The following C1orf87 variants were observed in gnomAD, a reference collection of about 807,000 sequenced individuals.
The protein encoded by C1orf87 is uncharacterized protein C1orf87.
In C1orf87, 58 loss-of-function variants were observed where a neutral mutation model predicts 60.5. The observed-to-expected ratio is 0.96, with a 90% CI of 0.78 to 1.19. The LOEUF is 1.19. C1orf87 is among the 50% of genes most tolerant of loss of function. The pLI, the probability that C1orf87 is intolerant of heterozygous loss-of-function variation, is 0.00. For missense variants in C1orf87, 673 were observed against 638.6 expected (o/e 1.05, Z -0.58); for synonymous variants, 236 against 227.4 (o/e 1.04, Z -0.34).
rs1038288450 is a variant in C1orf87 at position 60,034,114 on chromosome 1, G to A, written c.864-473C>T. 3.9e-5 allele frequency among the ~76,000 whole-genome samples: 6 copies of A among 152,146 alleles called. No individual in the cohort carries two copies. In the East Asian group the frequency reaches 9.6e-4, roughly 24 times the overall value. On this transcript the variant is annotated intron_variant, in intron 6 of 11. Coordinates refer to ENST00000371201, the MANE Select transcript of C1orf87 (RefSeq NM_152377.3). ...ACCAAGACAGCCTAGTTCCCTGGGA[G>A]GAAATCCTGAACCAGCTGGATTTCC...
chr1:60,043,207 G>A (rs1318207894), intron 3 of C1orf87, among the ~76,000 whole-genome samples: 1 of 152,160 alleles, frequency 6.6e-6, no homozygotes, highest in African/African-American at 2.4e-5. Flanking sequence ...CTTTAGCCTT[G>A]TTAGCATCTA....
At chr1:60,005,028 G>T (rs374406353) in intron 9 of C1orf87, among the ~76,000 whole-genome samples, 1 of 151,974 alleles carries the variant, frequency 6.6e-6, no homozygotes, top group African/African-American at 2.4e-5. Context: ...AATTCCCTAG[G>T]TGATTCTAAA....
Position 60,057,684 on chromosome 1 carries a change from G to C in C1orf87, c.108-2246C>G, listed in dbSNP as rs528651438. On this transcript the variant is annotated intron_variant, in intron 2 of 11. Coordinates refer to ENST00000371201, the MANE Select transcript of C1orf87 (RefSeq NM_152377.3). ...TTAGTACATTTGATGACAAGATGTTGATCAAATTGCTGACAGCTTGAATTT... is the reference window on the plus strand; with the variant it reads ...TTAGTACATTTGATGACAAGATGTTCATCAAATTGCTGACAGCTTGAATTT... Among the ~76,000 whole-genome samples the C allele has an allele frequency of 1.4e-4, 22 of 152,304 alleles. No homozygotes were observed. In the East Asian group the frequency reaches 3.5e-3, roughly 24 times the overall value.
chr1:60,020,380 G>T (rs1341651919), intron 8 of C1orf87, among the ~76,000 whole-genome samples: 3 of 152,168 alleles, frequency 2.0e-5, no homozygotes, highest in African/African-American at 7.2e-5. Flanking sequence ...CGTGTGCTTG[G>T]AAAAGCCACA....
intron 1 of C1orf87, 87 bp from the exon 2 acceptor site, chr1:60,072,757 T>C (rs1574334896): frequency 1.5e-6 from 1 of 664,038 alleles, no homozygotes; most frequent in East Asian, 2.7e-5. Flanking sequence ...GCAATAATAA[T>C]AGCAGGACAA....
intron 8 of C1orf87, among the ~76,000 whole-genome samples, chr1:60,017,768 C>A (rs1200388978): frequency 6.6e-6 from 1 of 152,110 alleles, no homozygotes. Context: ...GATTTGAAAT[C>A]GTAATCAAGT....
At chr1:60,053,358 C>T (rs1203264798) in intron 3 of C1orf87, among the ~76,000 whole-genome samples, 2 of 152,198 alleles carry the variant, frequency 1.3e-5, no homozygotes, top group African/African-American at 2.4e-5. Context: ...CCCTTGACCT[C>T]TCTGTTTCTC....
At chr1:60,058,388 A>C (rs1645471739) in intron 2 of C1orf87, among the ~76,000 whole-genome samples, 1 of 152,216 alleles carries the variant, frequency 6.6e-6, no homozygotes, top group Non-Finnish European at 1.5e-5. Flanking sequence ...ATAAAGTATT[A>C]AATTGGTATA....
At chr1:60,055,110 C>A (rs953513941) in intron 3 of C1orf87, 94 bp downstream of exon 3, 9 of 1,113,896 alleles carry the variant, frequency 8.1e-6, no homozygotes, top group African/African-American at 3.1e-5. Flanking sequence ...TATTAATGAA[C>A]ATTTGTACAG....
chr1:60,055,769 AG>A (rs1414616546), intron 2 of C1orf87, among the ~76,000 whole-genome samples: 1 of 152,198 alleles, frequency 6.6e-6, no homozygotes, highest in African/African-American at 2.4e-5. Context: ...TAAATGTAAC[AG>A]GTATTTTCAG....
chr1:60,022,390 T>A (rs536308066), intron 8 of C1orf87, among the ~76,000 whole-genome samples: 1 of 152,132 alleles, frequency 6.6e-6, no homozygotes, highest in South Asian at 2.1e-4. Flanking sequence ...ATTAAATAAA[T>A]TAAATCAATA....
chr1:60,027,731 A>G (rs1424304190), intron 7 of C1orf87, among the ~76,000 whole-genome samples: 1 of 152,174 alleles, frequency 6.6e-6, no homozygotes, highest in East Asian at 1.9e-4. Flanking sequence ...GAAAAAAAAA[A>G]GATTGATTTG....
intron 7 of C1orf87, among the ~76,000 whole-genome samples, chr1:60,030,211 G>C (rs1425935150): frequency 6.6e-6 from 1 of 152,214 alleles, no homozygotes; most frequent in East Asian, 1.9e-4. Context: ...TGATTATTAT[G>C]TCAAACGCAA....
At chr1:60,064,339 T>C (rs1020009632) in intron 2 of C1orf87, among the ~76,000 whole-genome samples, 60 of 140,486 alleles carry the variant, frequency 4.3e-4, no homozygotes, top group African/African-American at 1.6e-3. Context: ...ATATACTATA[T>C]ATGTAATATA....
At chr1:60,028,435 G>A (rs17120013) in intron 7 of C1orf87, among the ~76,000 whole-genome samples, 9,087 of 152,084 alleles carry the variant, frequency 0.06, 338 homozygotes, top group Middle Eastern at 0.17. Flanking sequence ...GCAATTCCAC[G>A]TTATTCACGA....
At chr1:59,997,857 C>T (rs1644974281) in intron 10 of C1orf87, 41 bp from the exon 11 acceptor site, 2 of 1,580,626 alleles carry the variant, frequency 1.3e-6, no homozygotes, top group South Asian at 2.3e-5. Flanking sequence ...ATTCACCACC[C>T]AGAGCTTCTC....
intron 3 of C1orf87, among the ~76,000 whole-genome samples, chr1:60,042,487 A>T (rs940027473): frequency 6.6e-6 from 1 of 152,244 alleles, no homozygotes; most frequent in African/African-American, 2.4e-5. Flanking sequence ...CAGATGTTTT[A>T]TAGTCATGAA....
intron 11 of C1orf87, among the ~76,000 whole-genome samples, chr1:59,996,638 T>C (rs906104413): frequency 2.0e-5 from 3 of 152,212 alleles, no homozygotes; most frequent in African/African-American, 7.2e-5. Flanking sequence ...TTTGCACCTT[T>C]GCCAGAAAAG....
At chr1:60,008,282 G>T (rs1477551419) in intron 9 of C1orf87, among the ~76,000 whole-genome samples, 2 of 151,934 alleles carry the variant, frequency 1.3e-5, no homozygotes, top group African/African-American at 4.8e-5. Flanking sequence ...TTTATATTTT[G>T]CCCATTTTAG....
Sources: gnomAD v4.1 joint callset for allele counts (sites outside exome capture counted in the v4.1 genomes callset) on GRCh38, gnomAD v4.1.1 for gene constraint, MANE v1.5 for transcripts, NCBI Gene and HGNC (gene_info 2026-07-23, HGNC 2026-07-21) for gene names.